Variants in NSUN2 observed in about 807,000 individuals in gnomAD.
NSUN2 encodes the protein RNA cytosine C(5)-methyltransferase NSUN2.
A neutral mutation model predicts 92.7 loss-of-function variants in NSUN2; 63 were observed. The ratio of observed to expected loss-of-function variants is 0.68; its 90% CI spans 0.56 to 0.84. The LOEUF is 0.84. NSUN2 is among the 40% of genes least tolerant of loss of function. The pLI, the probability that NSUN2 is intolerant of heterozygous loss-of-function variation, is 0.00. For synonymous variants in NSUN2, 356 were observed against 348.3 expected (o/e 1.02, Z -0.25); for missense variants, 989 against 964.9 (o/e 1.02, Z -0.33).
At chr5:6,624,765 A>T (rs1737582322) in intron 4 of NSUN2, among the ~76,000 whole-genome samples, 1 of 152,160 alleles carries the variant, frequency 6.6e-6, no homozygotes, top group African/African-American at 2.4e-5. Flanking sequence ...AGTGAAAAAG[A>T]ACCATAATCT....
intron 18 of NSUN2, among the ~76,000 whole-genome samples, chr5:6,601,576 G>A (rs532378794): frequency 9.4e-5 from 14 of 149,512 alleles, no homozygotes; most frequent in East Asian, 4.1e-4. Context: ...GTGGCCCCTC[G>A]GCCTCCCTGC....
At chr5:6,632,129 C>G (rs1327090739) in intron 2 of NSUN2, 152 bp from the exon 3 acceptor site, 1 of 639,856 alleles carries the variant, frequency 1.6e-6, no homozygotes, top group Non-Finnish European at 2.7e-6. Flanking sequence ...ACACTGTATG[C>G]CTTCAAAATT....
At position 6,632,940 on chromosome 5, in the gene NSUN2, G is replaced by C. The variant is rs766941744; in HGVS notation, c.40C>G (p.Gln14Glu). 2 of 1,507,502 alleles carry C rather than the reference G, an allele frequency of 1.3e-6. No individual in the cohort carries two copies. Among genetic ancestry groups the C allele is most frequent in the African/African-American group, 1.4e-5 (1 of 69,706 alleles). The allele number at this position is 1,507,502 out of a possible 1,614,324, so 93.4% of individuals were successfully genotyped here. A position where few individuals can be genotyped will look rare whatever the true frequency, so the allele number is the denominator to read the frequency against. ...CCATCCTCCGCGTCCTCCGGCCGCT[G>C]CTGTTGCTGGAGCCGCCGACCCCGC... is the stretch of plus-strand genomic sequence containing the variant. ...RSRGRRLQQQQRPEDAEDGAE... is the reference protein window; with the variant it reads ...RSRGRRLQQQERPEDAEDGAE... The change falls in exon 1 of 19, where the codon CAG (glutamine) becomes GAG (glutamate). Residue 14 changes from glutamine to glutamate, a missense_variant. Physicochemically the swap from Gln to Glu is conservative, Grantham distance 29. Coordinates refer to ENST00000264670, the MANE Select transcript of NSUN2 (RefSeq NM_017755.6).
Position 6,616,834 on chromosome 5 carries a change from C to T in NSUN2, c.914G>A (p.Arg305His), listed in dbSNP as rs368030963. 1.1e-5 allele frequency: 18 copies of T among 1,613,564 alleles called. No individual in the cohort carries two copies. In the South Asian group the frequency reaches 1.4e-4, roughly 13 times the overall value. The change falls in exon 9 of 19, where the codon CGC becomes CAC. Residue 305 changes from arginine (R) to histidine (H), a missense_variant. Physicochemically the swap from Arg to His is conservative, Grantham distance 29. Coordinates refer to ENST00000264670, the MANE Select transcript of NSUN2 (RefSeq NM_017755.6). ...LHGLQLRIAT[R>H]GAEQLAEGGR... ...ACCTTCAGCCAGCTGTTCAGCCCCGCGTGTTGCAATCCGCAGCTGTAAGCT... is the reference window on the plus strand; with the variant it reads ...ACCTTCAGCCAGCTGTTCAGCCCCGTGTGTTGCAATCCGCAGCTGTAAGCT...
intron 7 of NSUN2, among the ~76,000 whole-genome samples, chr5:6,618,592 T>C (rs981622127): frequency 2.0e-5 from 3 of 152,216 alleles, no homozygotes; most frequent in African/African-American, 7.2e-5. Context: ...CAGAATTATA[T>C]GAATAATGAC....
Position 6,607,098 on chromosome 5 carries a change from GC to G in NSUN2, c.1508+101del, listed in dbSNP as rs1239926501. 7.0e-5 allele frequency: 84 copies of G among 1,204,028 alleles called. 1 individual carries two copies. Among genetic ancestry groups the G allele is most frequent in the Non-Finnish European group, 8.7e-5 (72 of 824,074 alleles). The allele number at this position is 1,204,028 out of a possible 1,614,324, so 74.6% of individuals were successfully genotyped here. On this transcript the variant is annotated intron_variant, in intron 13 of 18. Transcript: ENST00000264670. Reference sequence around the variant, plus strand: ...ATGTGCCTGATACCACACATGTACTGCCCCCTCAAACCGACCAAGAAGTGGC... The same window carrying G: ...ATGTGCCTGATACCACACATGTACTGCCCCTCAAACCGACCAAGAAGTGGC...
At chr5:6,604,350 G>C in intron 16 of NSUN2, 74 bp from the exon 17 acceptor site, 2 of 1,357,648 alleles carry the variant, frequency 1.5e-6, no homozygotes, top group Non-Finnish European at 2.0e-6. Context: ...GCTCTCAGGG[G>C]CTATGCTCTT....
chr5:6,612,204 G>A (rs983125354), intron 9 of NSUN2, among the ~76,000 whole-genome samples: 11 of 152,174 alleles, frequency 7.2e-5, no homozygotes, highest in Admixed American at 2.6e-4. Context: ...CCACAGACGC[G>A]AGACTAACTC....
At chr5:6,613,175 G>T (rs943722312) in intron 9 of NSUN2, among the ~76,000 whole-genome samples, 1 of 152,210 alleles carries the variant, frequency 6.6e-6, no homozygotes, top group African/African-American at 2.4e-5. Flanking sequence ...CTCACTGAAT[G>T]AAGTAATTCA....
chr5:6,632,118 T>C (rs1737931843), intron 2 of NSUN2, 141 bp from the exon 3 acceptor site: 1 of 661,394 alleles, frequency 1.5e-6, no homozygotes, highest in Admixed American at 2.7e-5. Context: ...TCACTACTTT[T>C]ACACTGTATG....
At position 6,632,598 on chromosome 5, in the gene NSUN2, C is replaced by A; in HGVS notation, c.254+1G>T. ...CAAAAAATCAGGCACTGCCTCCCTA[C>A]CTTTTGTAACCAGTAATTCTTAAAG... On this transcript the variant is annotated splice_donor_variant, in intron 2 of 18. Coordinates refer to ENST00000264670, the MANE Select transcript of NSUN2 (RefSeq NM_017755.6). LOFTEE classifies it high-confidence loss of function. 6.2e-7 allele frequency: 1 copy of A among 1,613,728 alleles called. No individual in the cohort carries two copies. The highest frequency in any genetic ancestry group is 8.5e-7 in the Non-Finnish European group (1 of 1,179,778).
intron 14 of NSUN2, among the ~76,000 whole-genome samples, chr5:6,606,538 G>C (rs1437638637): frequency 6.6e-6 from 1 of 152,052 alleles, no homozygotes; most frequent in East Asian, 1.9e-4. Context: ...GCCCGTCTCG[G>C]CCTCCCAAAG....
intron 7 of NSUN2, among the ~76,000 whole-genome samples, chr5:6,618,885 GTC>G (rs1348348217): frequency 6.6e-6 from 1 of 152,118 alleles, no homozygotes; most frequent in African/African-American, 2.4e-5. Context: ...TTCCTTGATG[GTC>G]TAGCCGCGTG....
chr5:6,604,792 G>T, intron 15 of NSUN2, 107 bp from the exon 16 acceptor site: 1 of 918,236 alleles, frequency 1.1e-6, no homozygotes, highest in Middle Eastern at 2.1e-4. Flanking sequence ...GAAAGGAGAG[G>T]AGAAGCAGAA....
At chr5:6,606,751 A>G in intron 14 of NSUN2, 69 bp downstream of exon 14, 1 of 854,600 alleles carries the variant, frequency 1.2e-6, no homozygotes, top group Non-Finnish European at 1.9e-6. Flanking sequence ...GTTACATGTG[A>G]TCAGTTGTAC....
intron 14 of NSUN2, 73 bp downstream of exon 14, chr5:6,606,747 T>C: frequency 1.2e-6 from 1 of 821,520 alleles, no homozygotes; most frequent in Non-Finnish European, 2.0e-6. Flanking sequence ...AATGGTTACA[T>C]GTGATCAGTT....
Position 6,604,612 on chromosome 5 carries a change from G to A in NSUN2, c.1811C>T (p.Ala604Val), listed in dbSNP as rs766236307. Residue 604 changes from alanine (A) to valine (V), a missense_variant, in exon 16 of 19, where the codon GCA becomes GTA. Ala to Val is a moderately conservative substitution (Grantham distance 64). Coordinates refer to ENST00000264670, the MANE Select transcript of NSUN2 (RefSeq NM_017755.6). Reference sequence around the variant, plus strand: ...ATCCACTTCCAAAATTACCTCCTGTGCCAGCCGGAAAGCACAGTCAAACTC... The same window carrying A: ...ATCCACTTCCAAAATTACCTCCTGTACCAGCCGGAAAGCACAGTCAAACTC... The part of the protein sequence containing the change: ...GEEFDCAFRL[A>V]QEGIYTLYPF... 28 of 1,613,958 alleles carry A rather than the reference G, an allele frequency of 1.7e-5. No homozygotes were observed. The highest frequency in any genetic ancestry group is 2.2e-5 in the Non-Finnish European group (26 of 1,179,882).
intron 11 of NSUN2, among the ~76,000 whole-genome samples, chr5:6,610,240 TTTTC>T (rs1202811937): frequency 1.3e-5 from 2 of 151,564 alleles, no homozygotes; most frequent in Non-Finnish European, 2.9e-5. Context: ...GTTTTTGTAT[TTTTC>T]TTTTTTTTTT....
At chr5:6,609,286 G>A (rs944576782) in intron 12 of NSUN2, among the ~76,000 whole-genome samples, 15 of 152,178 alleles carry the variant, frequency 9.9e-5, no homozygotes, top group African/African-American at 3.6e-4. Context: ...TTAGGATGAG[G>A]GCAACACTCC....
Sources: allele counts gnomAD v4.1 joint callset (sites outside exome capture counted in the v4.1 genomes callset), GRCh38; gene constraint gnomAD v4.1.1; transcripts MANE v1.5; gene names NCBI Gene and HGNC (gene_info 2026-07-23, HGNC 2026-07-21).